FNIP2: variants seen among roughly 807,000 people sequenced by gnomAD.
FNIP2 encodes the protein folliculin interacting protein 2, also known as folliculin-interacting protein 2.
A neutral mutation model predicts 108.7 loss-of-function variants in FNIP2; 32 were observed. The ratio of observed to expected loss-of-function variants is 0.29; its 90% CI spans 0.22 to 0.40. The LOEUF (loss-of-function observed/expected upper bound fraction) is 0.40. Ranked by LOEUF, FNIP2 falls within the 10% of genes least tolerant of loss-of-function variation. The pLI is 1.00. For synonymous variants in FNIP2, 480 were observed against 496.7 expected (o/e 0.97, Z 0.45); for missense variants, 1,202 against 1,381.6 (o/e 0.87, Z 2.06).
At chr4:158,862,986 C>T (rs965210803) in intron 12 of FNIP2, among the ~76,000 whole-genome samples, 4 of 152,122 alleles carry the variant, frequency 2.6e-5, no homozygotes. Context: ...TAACTGAGAG[C>T]CATTAATTCC....
intron 1 of FNIP2, among the ~76,000 whole-genome samples, chr4:158,803,083 T>G (rs990168746): frequency 6.6e-6 from 1 of 152,188 alleles, no homozygotes; most frequent in African/African-American, 2.4e-5. Flanking sequence ...AAAGTAGCAG[T>G]GGTGGCAACA....
chr4:158,860,369 A>G (rs1780210804), intron 10 of FNIP2, among the ~76,000 whole-genome samples: 1 of 152,220 alleles, frequency 6.6e-6, no homozygotes, highest in Non-Finnish European at 1.5e-5. Flanking sequence ...TGATGCTTAA[A>G]GTATATGCTG....
intron 1 of FNIP2, among the ~76,000 whole-genome samples, chr4:158,820,387 C>T (rs922495691): frequency 6.6e-5 from 10 of 152,184 alleles, no homozygotes; most frequent in African/African-American, 2.4e-4. Flanking sequence ...TAGCAAATCA[C>T]CCTGCAACAT....
intron 12 of FNIP2, among the ~76,000 whole-genome samples, chr4:158,866,393 T>C (rs1780583968): frequency 6.7e-6 from 1 of 149,212 alleles, no homozygotes; most frequent in Non-Finnish European, 1.5e-5. Context: ...AATTTTTGTA[T>C]TTTGGGTAGA....
At chr4:158,839,823 G>A (rs1469693910) in intron 7 of FNIP2, among the ~76,000 whole-genome samples, 1 of 152,132 alleles carries the variant, frequency 6.6e-6, no homozygotes, top group Non-Finnish European at 1.5e-5. Context: ...ATGCTCCAGA[G>A]TCATCTTATG....
At chr4:158,867,122 A>T (rs1258220042) in intron 12 of FNIP2, among the ~76,000 whole-genome samples, 1 of 152,226 alleles carries the variant, frequency 6.6e-6, no homozygotes, top group Non-Finnish European at 1.5e-5. Flanking sequence ...AGCTCACAGT[A>T]CATTAGTCAG....
intron 9 of FNIP2, 105 bp from the exon 10 acceptor site, chr4:158,859,473 T>C: frequency 9.1e-7 from 1 of 1,099,018 alleles, no homozygotes; most frequent in Non-Finnish European, 1.3e-6. Flanking sequence ...CATTATTACC[T>C]TGAGTGTTGT....
intron 14 of FNIP2, among the ~76,000 whole-genome samples, chr4:158,881,453 CCACGGTCTCCCTCTCCCTCTCTTT>C (rs1781619536): frequency 6.7e-6 from 1 of 149,254 alleles, no homozygotes; most frequent in African/African-American, 2.5e-5. Context: ...CCCTCTCTTT[CCACGGTCTCCCTCTCCCTCTCTTT>C]CCACGGTCTC....
At chr4:158,787,637 C>A (rs1776265960) in intron 1 of FNIP2, among the ~76,000 whole-genome samples, 1 of 152,166 alleles carries the variant, frequency 6.6e-6, no homozygotes, top group Admixed American at 6.5e-5. Context: ...AGTTAAAAAA[C>A]TGTTATGAAT....
intron 8 of FNIP2, among the ~76,000 whole-genome samples, chr4:158,853,381 TTTA>T (rs962608297): frequency 6.6e-6 from 1 of 152,190 alleles, no homozygotes; most frequent in East Asian, 1.9e-4. Context: ...ATAAATTTTT[TTTA>T]TTATTATTAT....
intron 1 of FNIP2, among the ~76,000 whole-genome samples, chr4:158,822,474 C>CGTTTTGTTTT (rs779285416): frequency 6.6e-6 from 1 of 152,020 alleles, no homozygotes; most frequent in African/African-American, 2.4e-5. Context: ...TGTGCCTGAC[C>CGTTTTGTTTT]GTTTTGTTTT....
At chr4:158,846,319 T>G (rs1462413724) in intron 7 of FNIP2, among the ~76,000 whole-genome samples, 1 of 152,216 alleles carries the variant, frequency 6.6e-6, no homozygotes, top group African/African-American at 2.4e-5. Flanking sequence ...TTCTTTTCTG[T>G]TTTTTTAAAT....
At chr4:158,842,035 G>A (rs551143662) in intron 7 of FNIP2, among the ~76,000 whole-genome samples, 1 of 152,350 alleles carries the variant, frequency 6.6e-6, no homozygotes, top group East Asian at 1.9e-4. Flanking sequence ...GCCTTGCTTT[G>A]CCTTGTCTTT....
chr4:158,900,458 T>C (rs1729112448), intron 16 of FNIP2, among the ~76,000 whole-genome samples: 1 of 152,202 alleles, frequency 6.6e-6, no homozygotes, highest in African/African-American at 2.4e-5. Flanking sequence ...CCATTATTAT[T>C]GTGTGGGAGC....
intron 12 of FNIP2, among the ~76,000 whole-genome samples, chr4:158,866,274 G>A (rs565350971): frequency 1.2e-3 from 130 of 109,398 alleles, no homozygotes; most frequent in African/African-American, 3.1e-3. Context: ...GCTGGAGTGC[G>A]GTGGCGTGAT....
intron 1 of FNIP2, among the ~76,000 whole-genome samples, chr4:158,811,221 T>C (rs906640540): frequency 6.6e-6 from 1 of 152,170 alleles, no homozygotes; most frequent in African/African-American, 2.4e-5. Context: ...TCTTTAAGGG[T>C]TTAAGAAAGG....
intron 14 of FNIP2, among the ~76,000 whole-genome samples, chr4:158,871,109 A>T (rs1780920785): frequency 6.6e-6 from 1 of 152,214 alleles, no homozygotes; most frequent in Non-Finnish European, 1.5e-5. Flanking sequence ...TTTGTCATTA[A>T]GTTCACTTTG....
chr4:158,791,364 A>C (rs551605870), intron 1 of FNIP2, among the ~76,000 whole-genome samples: 8 of 140,542 alleles, frequency 5.7e-5, no homozygotes, highest in Non-Finnish European at 1.1e-4. Flanking sequence ...GCTCACTGCA[A>C]CCTCCACCTC....
rs1472160547 is a variant in FNIP2, at chr4:158,904,534, T to C, written c.3335T>C (p.Ile1112Thr). Residue 1112 changes from isoleucine to threonine, a missense_variant, in exon 17 of 17, where the codon ATA (isoleucine) becomes ACA (threonine). By Grantham distance (89) the Ile-to-Thr change is moderately conservative. This residue lies in a region of FNIP2 where 142 missense variants were observed against 183.8 expected (regional missense o/e 0.77). Transcript: ENST00000264433. ...ASTHSPYVAQILL is the reference protein window; with the variant it reads ...ASTHSPYVAQTLL ...ACTCATTCTCCTTATGTGGCTCAAA[T>C]ACTCTTATAAGCTAAAGCTCAGGAC... is the stretch of plus-strand genomic sequence containing the variant. The C allele has an allele frequency of 6.2e-7, 1 of 1,612,872 alleles. No individual in the cohort carries two copies. The highest frequency in any genetic ancestry group is 1.7e-5 in the Admixed American group (1 of 60,016).
Sources: gnomAD v4.1 joint callset for allele counts (sites outside exome capture counted in the v4.1 genomes callset) on GRCh38, gnomAD v4.1.1 for gene constraint, gnomAD v4.1.1 regional missense constraint, MANE v1.5 for transcripts, NCBI Gene and HGNC (gene_info 2026-07-23, HGNC 2026-07-21) for gene names.